Variants in PLD5 observed in about 807,000 individuals in gnomAD.
PLD5 encodes phospholipase D family member 5.
In PLD5, 36 loss-of-function variants were observed where a neutral mutation model predicts 61.1. That is an observed-to-expected ratio of 0.59 (90% confidence interval 0.45 to 0.78). The LOEUF is 0.78. Ranked by LOEUF, PLD5 falls within the 30% of genes least tolerant of loss-of-function variation. The pLI is 0.00. For missense variants in PLD5, 515 were observed against 644.4 expected (o/e 0.80, Z 2.17); for synonymous variants, 243 against 242.8 (o/e 1.00, Z -0.01).
chr1:242,495,515 G>A (rs931226899), intron 1 of PLD5, among the ~76,000 whole-genome samples: 1 of 152,036 alleles, frequency 6.6e-6, no homozygotes. Flanking sequence ...AATTAGCAAG[G>A]AAATAATATG....
intron 1 of PLD5, among the ~76,000 whole-genome samples, chr1:242,432,300 T>C (rs1665762325): frequency 6.6e-6 from 1 of 152,194 alleles, no homozygotes; most frequent in African/African-American, 2.4e-5. Context: ...ATTCGGACAC[T>C]ACCAAGGATA....
At chr1:242,442,657 C>CA (rs1666330492) in intron 1 of PLD5, among the ~76,000 whole-genome samples, 1 of 152,074 alleles carries the variant, frequency 6.6e-6, no homozygotes, top group Admixed American at 6.6e-5. Context: ...TGCACTTTTT[C>CA]AGTTTTTATG....
rs555315236 is a variant in PLD5 at position 242,127,392 on chromosome 1, G to T, written c.736-2727C>A. Among the ~76,000 whole-genome samples, 7 of 152,290 alleles carry T rather than the reference G, an allele frequency of 4.6e-5. No individual in the cohort carries two copies. In the South Asian group the frequency reaches 1.0e-3, roughly 23 times the overall value. The stretch of plus-strand genomic sequence containing the variant: ...CACAGTCTGCAACTGCAAAAATGTG[G>T]AGCCAACCCAAATGCCCATCAATCA... On this transcript the variant is annotated intron_variant, in intron 5 of 9. Coordinates refer to ENST00000536534, the MANE Select transcript of PLD5 (RefSeq NM_001372062.1).
At chr1:242,392,871 T>A (rs528005776) in intron 1 of PLD5, among the ~76,000 whole-genome samples, 87 of 152,304 alleles carry the variant, frequency 5.7e-4, no homozygotes, top group Admixed American at 1.3e-3. Context: ...TAGAGGATTA[T>A]AATGAAGAAA....
chr1:242,439,140 C>T (rs983868054), intron 1 of PLD5, among the ~76,000 whole-genome samples: 1 of 152,184 alleles, frequency 6.6e-6, no homozygotes. Flanking sequence ...ATTAAGGTAC[C>T]TCACTCACTG....
chr1:242,512,179 A>G (rs1488771789), intron 1 of PLD5, among the ~76,000 whole-genome samples: 1 of 151,800 alleles, frequency 6.6e-6, no homozygotes. Flanking sequence ...TGGGAGGCCA[A>G]GGAGGGCAGA....
chr1:242,486,310 T>C (rs1382218705), intron 1 of PLD5, among the ~76,000 whole-genome samples: 1 of 152,162 alleles, frequency 6.6e-6, no homozygotes, highest in Non-Finnish European at 1.5e-5. Flanking sequence ...GTTTGCAATC[T>C]ACTCATCTGA....
intron 1 of PLD5, among the ~76,000 whole-genome samples, chr1:242,391,241 A>G (rs1045301266): frequency 2.0e-5 from 3 of 152,150 alleles, no homozygotes; most frequent in Non-Finnish European, 4.4e-5. Context: ...TTCTGTCTGT[A>G]GTATCTGTGT....
intron 6 of PLD5, among the ~76,000 whole-genome samples, chr1:242,116,749 C>T (rs1284786981): frequency 6.6e-6 from 1 of 152,122 alleles, no homozygotes; most frequent in African/African-American, 2.4e-5. Flanking sequence ...TGATTTTATT[C>T]TCGTTTATGG....
chr1:242,488,715 TTAATG>T (rs1668043453), intron 1 of PLD5, among the ~76,000 whole-genome samples: 1 of 152,266 alleles, frequency 6.6e-6, no homozygotes, highest in Admixed American at 6.5e-5. Context: ...TCAGCGAACC[TTAATG>T]TAAACTATGG....
chr1:242,225,312 C>T (rs758019172), intron 4 of PLD5, among the ~76,000 whole-genome samples: 2 of 152,094 alleles, frequency 1.3e-5, no homozygotes, highest in Non-Finnish European at 2.9e-5. Context: ...AAGACCCATG[C>T]ATGCTGTCGT....
chr1:242,157,682 T>C (rs1333745943), intron 5 of PLD5, among the ~76,000 whole-genome samples: 3 of 152,168 alleles, frequency 2.0e-5, no homozygotes, highest in Non-Finnish European at 2.9e-5. Context: ...ACAGCAAAGA[T>C]TGCTGCCTGT....
chr1:242,129,075 T>A (rs1188230017), intron 5 of PLD5, among the ~76,000 whole-genome samples: 1 of 152,052 alleles, frequency 6.6e-6, no homozygotes, highest in Non-Finnish European at 1.5e-5. Flanking sequence ...ACCCCAAGAC[T>A]CTCCTTATGA....
chr1:242,167,772 AT>A lies in PLD5; in HGVS notation c.736-43108del, dbSNP rs1666437522. The stretch of plus-strand genomic sequence containing the variant: ...CCAGTAAATACATCCATAGATGTGG[AT>A]TGCCTACGTGAAAACAATGTGTGTC... On this transcript the variant is annotated intron_variant, in intron 5 of 9. Coordinates refer to ENST00000536534, the MANE Select transcript of PLD5 (RefSeq NM_001372062.1). 3.3e-5 allele frequency among the ~76,000 whole-genome samples: 5 copies of A among 152,344 alleles called. No individual in the cohort carries two copies. In the South Asian group the frequency reaches 1.0e-3, roughly 32 times the overall value.
intron 6 of PLD5, among the ~76,000 whole-genome samples, chr1:242,114,695 G>A (rs762918841): frequency 1.1e-4 from 17 of 152,136 alleles, no homozygotes; most frequent in Non-Finnish European, 2.5e-4. Flanking sequence ...TGTGAACTGC[G>A]CATGTAAGGG....
rs569987096 is a variant in PLD5, at chr1:242,316,153, G to A, written c.327-27623C>T. Among the ~76,000 whole-genome samples, 5 of 152,366 alleles carry A rather than the reference G, an allele frequency of 3.3e-5. No homozygotes were observed. In the South Asian group the frequency reaches 1.0e-3, roughly 32 times the overall value. On this transcript the variant is annotated intron_variant, in intron 2 of 9. Transcript: ENST00000536534. ...TGTAAAGTGCTTAACACAGTGCTTA[G>A]CACATGGTGATTATGTAATAAATGC...
intron 5 of PLD5, among the ~76,000 whole-genome samples, chr1:242,214,081 A>C (rs186252721): frequency 6.6e-6 from 1 of 152,174 alleles, no homozygotes; most frequent in African/African-American, 2.4e-5. Context: ...CAAATAGCGC[A>C]TGTCCTTCCT....
intron 5 of PLD5, among the ~76,000 whole-genome samples, chr1:242,190,087 C>G (rs1668153080): frequency 6.8e-6 from 1 of 147,210 alleles, no homozygotes; most frequent in Non-Finnish European, 1.5e-5. Flanking sequence ...AGGACCTTCA[C>G]TAAGGTCCTT....
intron 5 of PLD5, among the ~76,000 whole-genome samples, chr1:242,171,090 G>C (rs1666716444): frequency 6.6e-6 from 1 of 152,096 alleles, no homozygotes; most frequent in Non-Finnish European, 1.5e-5. Flanking sequence ...ATAATCGTCA[G>C]ATACAACAGG....
Sources: gnomAD v4.1 joint callset for allele counts (sites outside exome capture counted in the v4.1 genomes callset) on GRCh38, gnomAD v4.1.1 for gene constraint, MANE v1.5 for transcripts, NCBI Gene and HGNC (gene_info 2026-07-23, HGNC 2026-07-21) for gene names.